Variants in OR1J2 observed in about 807,000 individuals in gnomAD.
OR1J2 encodes olfactory receptor 1J2.
For missense variants in OR1J2, 304 were observed against 246.1 expected (o/e 1.24, Z -1.57); for synonymous variants, 142 against 99.7 (o/e 1.42, Z -2.52).
the OR1J2 span, chr9:122,578,571 G>A: frequency 1.3e-5 from 2 of 151,996 alleles, no homozygotes; most frequent in Non-Finnish European, 2.9e-5. Flanking sequence ...CAATCAGTGA[G>A]TGGATAAAGA....
the OR1J2 span, among the ~76,000 whole-genome samples, chr9:122,532,051 A>G: frequency 2.0e-5 from 2 of 98,778 alleles, no homozygotes; most frequent in African/African-American, 6.7e-5. Context: ...GTAGTAGAAT[A>G]GCAAATTTGC....
the OR1J2 span, chr9:122,475,627 A>T: frequency 6.6e-6 from 1 of 152,132 alleles, no homozygotes; most frequent in Admixed American, 6.6e-5. Flanking sequence ...GATTATTATT[A>T]TTATTTCCTA....
At chr9:122,461,416 T>G in the OR1J2 span, among the ~76,000 whole-genome samples, 1 of 152,068 alleles carries the variant, frequency 6.6e-6, no homozygotes, top group Non-Finnish European at 1.5e-5. Flanking sequence ...TTCAATTTCA[T>G]TTAGTTCTGC....
the OR1J2 span, among the ~76,000 whole-genome samples, chr9:122,471,599 A>G: frequency 1.3e-5 from 2 of 152,234 alleles, no homozygotes; most frequent in Non-Finnish European, 2.9e-5. Context: ...GAATTATTAG[A>G]TGCTATACAG....
At chr9:122,474,488 C>T in the OR1J2 span, among the ~76,000 whole-genome samples, 1 of 152,164 alleles carries the variant, frequency 6.6e-6, no homozygotes, top group Non-Finnish European at 1.5e-5. Context: ...AACCTGGCTA[C>T]AGGCTAGTTG....
the OR1J2 span, among the ~76,000 whole-genome samples, chr9:122,568,985 T>A: frequency 6.7e-6 from 1 of 149,494 alleles, no homozygotes. Flanking sequence ...GATGGGGAGG[T>A]TTCAGGACAC....
the OR1J2 span, chr9:122,527,125 T>A: frequency 1.3e-5 from 21 of 1,613,936 alleles, no homozygotes; most frequent in Middle Eastern, 1.6e-4. Flanking sequence ...AAAAAGTACA[T>A]GGGGGTGTGG....
chr9:122,473,551 G>T, the OR1J2 span, among the ~76,000 whole-genome samples: 10 of 152,128 alleles, frequency 6.6e-5, no homozygotes, highest in Admixed American at 5.2e-4. Context: ...TTTCCTATTG[G>T]ATATATTTAC....
At chr9:122,481,244 C>A in the OR1J2 span, among the ~76,000 whole-genome samples, 1 of 152,210 alleles carries the variant, frequency 6.6e-6, no homozygotes, top group Non-Finnish European at 1.5e-5. Context: ...ACTTTGGCTT[C>A]ATCCATGTCC....
chr9:122,468,962 A>T, the OR1J2 span, among the ~76,000 whole-genome samples: 3 of 152,192 alleles, frequency 2.0e-5, no homozygotes, highest in East Asian at 5.8e-4. Context: ...ATTCCTTGGG[A>T]GCAATTCCTG....
At chr9:122,524,841 C>T in the OR1J2 span, among the ~76,000 whole-genome samples, 2 of 152,180 alleles carry the variant, frequency 1.3e-5, no homozygotes, top group African/African-American at 4.8e-5. Flanking sequence ...CTCAGGCTTC[C>T]TCATGTCCAC....
At chr9:122,474,410 C>T in the OR1J2 span, among the ~76,000 whole-genome samples, 1 of 152,202 alleles carries the variant, frequency 6.6e-6, no homozygotes, top group African/African-American at 2.4e-5. Flanking sequence ...CTGTTTATCA[C>T]TTCCGCCTGA....
chr9:122,534,257 T>A, the OR1J2 span, among the ~76,000 whole-genome samples: 1 of 151,936 alleles, frequency 6.6e-6, no homozygotes, highest in African/African-American at 2.4e-5. Context: ...TGTTGTGGGG[T>A]TTGAGGGCTG....
chr9:122,489,924 G>A, the OR1J2 span, among the ~76,000 whole-genome samples: 1 of 152,140 alleles, frequency 6.6e-6, no homozygotes, highest in Non-Finnish European at 1.5e-5. Context: ...TGCAAGGAGA[G>A]TAATATTGTG....
the OR1J2 span, chr9:122,519,756 G>A: frequency 6.2e-7 from 1 of 1,614,162 alleles, no homozygotes; most frequent in Non-Finnish European, 8.5e-7. Context: ...GGGACAGGCA[G>A]TCATTACTCT....
the OR1J2 span, among the ~76,000 whole-genome samples, chr9:122,578,941 A>T: frequency 6.7e-6 from 1 of 149,726 alleles, no homozygotes; most frequent in Admixed American, 6.7e-5. Flanking sequence ...CCAAAAACCT[A>T]AAATTAAAAA....
At chr9:122,469,863 C>T in the OR1J2 span, among the ~76,000 whole-genome samples, 2 of 152,060 alleles carry the variant, frequency 1.3e-5, no homozygotes, top group African/African-American at 2.4e-5. Context: ...CCTAGAGATC[C>T]GTGGAGCTTT....
At chr9:122,476,856 C>T in the OR1J2 span, 1 of 611,208 alleles carries the variant, frequency 1.6e-6, no homozygotes, top group South Asian at 2.0e-5. Context: ...TAGGCATGCA[C>T]CACCATGCCC....
chr9:122,494,822 T>A, the OR1J2 span, among the ~76,000 whole-genome samples: 13 of 152,158 alleles, frequency 8.5e-5, no homozygotes, highest in Non-Finnish European at 1.9e-4. Context: ...TGGTGTATTT[T>A]AAGGATTTGT....
Sources: allele counts gnomAD v4.1 joint callset (sites outside exome capture counted in the v4.1 genomes callset), GRCh38; gene constraint gnomAD v4.1.1; transcripts MANE v1.5; gene names NCBI Gene and HGNC (gene_info 2026-07-23, HGNC 2026-07-21).